CLMN: variants seen among roughly 807,000 people sequenced by gnomAD.
The protein encoded by CLMN is calmin (calponin-like, transmembrane).
A neutral mutation model predicts 92.7 loss-of-function variants in CLMN; 57 were observed. The observed-to-expected ratio is 0.61, with a 90% CI of 0.50 to 0.77. The LOEUF is 0.77. Among genes scored for constraint, CLMN ranks in the 30% least tolerant of loss-of-function variants. CLMN has a pLI of 0.00. For missense variants in CLMN, 1,158 were observed against 1,237.5 expected (o/e 0.94, Z 0.96); for synonymous variants, 466 against 470.6 (o/e 0.99, Z 0.13).
At chr14:95,241,354 A>G (rs1394683865) in intron 1 of CLMN, among the ~76,000 whole-genome samples, 1 of 152,162 alleles carries the variant, frequency 6.6e-6, no homozygotes, top group Non-Finnish European at 1.5e-5. Context: ...TCTGGCTAGG[A>G]GTCAGCTACT....
At chr14:95,279,662 G>T (rs1465783830) in intron 1 of CLMN, among the ~76,000 whole-genome samples, 1 of 152,178 alleles carries the variant, frequency 6.6e-6, no homozygotes, top group African/African-American at 2.4e-5. Flanking sequence ...GGGCACCTGT[G>T]GTCCCAGCTC....
At chr14:95,248,957 A>G (rs1269502887) in intron 1 of CLMN, among the ~76,000 whole-genome samples, 1 of 152,148 alleles carries the variant, frequency 6.6e-6, no homozygotes, top group African/African-American at 2.4e-5. Flanking sequence ...TTCAACACCA[A>G]TCGGGGGAAA....
chr14:95,208,698 C>A (rs536269533), intron 8 of CLMN, among the ~76,000 whole-genome samples: 1 of 152,164 alleles, frequency 6.6e-6, no homozygotes, highest in Non-Finnish European at 1.5e-5. Flanking sequence ...CCCTTATTTG[C>A]GGTTTTTCTT....
chr14:95,266,117 GA>G (rs1450103011), intron 1 of CLMN, among the ~76,000 whole-genome samples: 38 of 152,338 alleles, frequency 2.5e-4, no homozygotes, highest in South Asian at 1.0e-3. Flanking sequence ...CCCCTGAATT[GA>G]AAGTCTTTCC....
intron 1 of CLMN, among the ~76,000 whole-genome samples, chr14:95,243,318 T>C (rs1046379517): frequency 6.6e-6 from 1 of 152,136 alleles, no homozygotes; most frequent in Non-Finnish European, 1.5e-5. Flanking sequence ...GGTGGATTGA[T>C]GGGGTGATAG....
intron 1 of CLMN, among the ~76,000 whole-genome samples, chr14:95,245,242 A>ATATATATATATAT (rs1898482116): frequency 1.4e-4 from 5 of 35,624 alleles, no homozygotes; most frequent in African/African-American, 6.9e-4. Flanking sequence ...TATATATTAT[A>ATATATATATATAT]TATATATATA....
intron 1 of CLMN, among the ~76,000 whole-genome samples, chr14:95,251,524 G>T (rs1898785842): frequency 6.6e-6 from 1 of 152,192 alleles, no homozygotes; most frequent in South Asian, 2.1e-4. Flanking sequence ...ACCCTTGAGT[G>T]TGAAAACTAG....
intron 1 of CLMN, among the ~76,000 whole-genome samples, chr14:95,295,189 G>A (rs76480227): frequency 0.05 from 7,572 of 152,286 alleles, 214 homozygotes; most frequent in Middle Eastern, 0.085. Context: ...ATGATTACAG[G>A]GTGGAGGCCA....
intron 1 of CLMN, among the ~76,000 whole-genome samples, chr14:95,253,619 T>G (rs1302091319): frequency 6.8e-6 from 1 of 147,356 alleles, no homozygotes; most frequent in East Asian, 1.9e-4. Flanking sequence ...GTTTTTTTGT[T>G]TTTTTTTTTT....
At chr14:95,195,063 CGGAA>C in intron 10 of CLMN, among the ~76,000 whole-genome samples, 4 of 152,296 alleles carry the variant, frequency 2.6e-5, no homozygotes. Context: ...CCAGTCCTAG[CGGAA>C]TGGAGGGTAA....
intron 4 of CLMN, among the ~76,000 whole-genome samples, chr14:95,220,730 C>G (rs1288784595): frequency 6.6e-6 from 1 of 152,222 alleles, no homozygotes; most frequent in Non-Finnish European, 1.5e-5. Context: ...TGGGCTGAGG[C>G]CCAGGCTGTG....
At chr14:95,224,197 A>C (rs1897638776) in intron 2 of CLMN, among the ~76,000 whole-genome samples, 1 of 152,254 alleles carries the variant, frequency 6.6e-6, no homozygotes, top group Non-Finnish European at 1.5e-5. Context: ...TATCTTGACT[A>C]CATCCTTCTG....
rs2059410738 is a variant in CLMN at position 95,194,242 on chromosome 14, G to C, written c.2769+294C>G. The C allele has an allele frequency of 2.9e-6, 4 of 1,393,350 alleles. No individual in the cohort carries two copies. The highest frequency in any genetic ancestry group is 3.7e-6 in the Non-Finnish European group (4 of 1,078,288). The allele number at this position is 1,393,350 out of a possible 1,614,324, so 86.3% of individuals were successfully genotyped here. A position where few individuals can be genotyped will look rare whatever the true frequency, so the allele number is the denominator to read the frequency against. ...TGACTCATGTTGCACCTCTGTCTCTGAACGTGATCCTTCTGGGTGCGCGCG... is the reference window on the plus strand; with the variant it reads ...TGACTCATGTTGCACCTCTGTCTCTCAACGTGATCCTTCTGGGTGCGCGCG... On this transcript the variant is annotated intron_variant, in intron 11 of 12. Transcript: ENST00000298912. The surrounding 1 kb of genome is among the most constrained non-coding windows in gnomAD (Gnocchi z 4.0).
rs772158888 is a variant in CLMN, at chr14:95,319,745, C to A, written c.48G>T (p.Gly16=). 17 of 1,598,416 alleles carry A rather than the reference C, an allele frequency of 1.1e-5. No homozygotes were observed. The highest frequency in any genetic ancestry group is 1.3e-5 in the Non-Finnish European group (15 of 1,176,222). The change falls in exon 1 of 13, where the codon GGG becomes GGT. Residue 16 remains glycine, a synonymous_variant. Transcript: ENST00000298912. ...WDWFQREELI[G]QISDIRVQNL... The stretch of plus-strand genomic sequence containing the variant: ...TCTGCACTCGGATGTCGCTAATCTG[C>A]CCGATGAGCTCCTCGCGTTGGAACC...
At chr14:95,261,343 C>A (rs954878971) in intron 1 of CLMN, among the ~76,000 whole-genome samples, 45 of 152,232 alleles carry the variant, frequency 3.0e-4, no homozygotes, top group African/African-American at 1.0e-3. Context: ...TGCCGCTTTG[C>A]GCACCTCCGT....
intron 3 of CLMN, chr14:95,222,706 A>C (rs1290233017): frequency 2.3e-6 from 1 of 427,484 alleles, no homozygotes; most frequent in Non-Finnish European, 4.7e-6. Flanking sequence ...GGCCTCTAAG[A>C]AACCAAATAC....
intron 10 of CLMN, among the ~76,000 whole-genome samples, chr14:95,195,814 GA>G (rs34187978): frequency 0.2 from 29,876 of 152,240 alleles, 3,652 homozygotes; most frequent in Non-Finnish European, 0.28. Context: ...GACGATGAGA[GA>G]GGGGAGAGAC....
chr14:95,245,209 T>TAATATATATATATATA (rs1898450395), intron 1 of CLMN, among the ~76,000 whole-genome samples: 1 of 19,626 alleles, frequency 5.1e-5, no homozygotes, highest in Non-Finnish European at 8.1e-5. Context: ...ATATATATAT[T>TAATATATATATATATA]ATATATATAT....
chr14:95,190,122 C>A lies in CLMN; in HGVS notation c.*1442G>T, dbSNP rs1038850899. Reference sequence around the variant, plus strand: ...ATGAGCTTGAAGGTGAGTAAGAATTCCTCATGGGAAAAATACAAGAACAAA... The same window carrying A: ...ATGAGCTTGAAGGTGAGTAAGAATTACTCATGGGAAAAATACAAGAACAAA... On this transcript the variant is annotated 3_prime_UTR_variant, in exon 13 of 13. Coordinates refer to ENST00000298912, the MANE Select transcript of CLMN (RefSeq NM_024734.4). 8.5e-5 allele frequency: 13 copies of A among 152,184 alleles called. No homozygotes were observed. The highest frequency in any genetic ancestry group is 8.5e-4 in the Admixed American group (13 of 15,272). 9.4% of individuals were successfully genotyped at this position (152,184 alleles called of 1,614,324 possible). A position where few individuals can be genotyped will look rare whatever the true frequency, so the allele number is the denominator to read the frequency against.
Sources: allele counts gnomAD v4.1 joint callset (sites outside exome capture counted in the v4.1 genomes callset), GRCh38; gene constraint gnomAD v4.1.1; non-coding constraint Gnocchi (gnomAD v3.1); transcripts MANE v1.5; gene names NCBI Gene and HGNC (gene_info 2026-07-23, HGNC 2026-07-21).